The following IL1RAPL1 variants were observed in gnomAD, a reference collection of about 807,000 sequenced individuals.
IL1RAPL1 encodes the protein interleukin-1 receptor accessory protein-like 1.
Under a neutral mutation model 48.4 loss-of-function variants are expected in IL1RAPL1, and 3 were observed. The observed-to-expected ratio is 0.06, with a 90% CI of 0.03 to 0.16. The LOEUF (loss-of-function observed/expected upper bound fraction) is 0.16. IL1RAPL1 is among the 10% of genes least tolerant of loss of function. IL1RAPL1 has a pLI of 1.00. For synonymous variants in IL1RAPL1, 185 were observed against 187.7 expected (o/e 0.99, Z 0.12); for missense variants, 349 against 530.6 (o/e 0.66, Z 3.36).
intron 2 of IL1RAPL1, among the ~76,000 whole-genome samples, chrX:29,196,851 A>G (rs1444699235): frequency 9.1e-6 from 1 of 110,311 alleles, no homozygotes; most frequent in Non-Finnish European, 1.9e-5. Flanking sequence ...ACACTATACT[A>G]TATAATATAA....
At chrX:28,926,892 C>A (rs1003525998) in intron 2 of IL1RAPL1, among the ~76,000 whole-genome samples, 12 of 111,175 alleles carry the variant, frequency 1.1e-4, no homozygotes, top group Non-Finnish European at 3.8e-5. Context: ...ACATTCTCCT[C>A]TTCCCACCTT....
intron 6 of IL1RAPL1, among the ~76,000 whole-genome samples, chrX:29,742,892 A>G (rs1928240925): frequency 9.0e-6 from 1 of 111,182 alleles, no homozygotes; most frequent in Admixed American, 9.7e-5. Flanking sequence ...GAGGAAGATT[A>G]AAAGTCTAAG....
chrX:29,933,867 A>G (rs1932988766), intron 8 of IL1RAPL1, among the ~76,000 whole-genome samples: 1 of 111,009 alleles, frequency 9.0e-6, no homozygotes, highest in African/African-American at 3.3e-5. Flanking sequence ...CAGTGTATCC[A>G]ATTGAGAAGG....
chrX:29,358,029 A>T (rs1933327763), intron 3 of IL1RAPL1, among the ~76,000 whole-genome samples: 1 of 111,702 alleles, frequency 9.0e-6, no homozygotes, highest in South Asian at 3.7e-4. Context: ...TAAGGGCAGG[A>T]ACCCCCTCTG....
intron 2 of IL1RAPL1, among the ~76,000 whole-genome samples, chrX:29,066,839 A>T (rs996124463): frequency 7.1e-5 from 8 of 111,903 alleles, no homozygotes; most frequent in Non-Finnish European, 1.3e-4. Flanking sequence ...TCAGGGCATG[A>T]CAAATGCTGG....
chrX:29,682,345 A>C (rs1028791848), intron 6 of IL1RAPL1, among the ~76,000 whole-genome samples: 4 of 110,546 alleles, frequency 3.6e-5, no homozygotes, highest in African/African-American at 1.3e-4. Context: ...CCTTGACCAT[A>C]CCATGGACCT....
intron 2 of IL1RAPL1, among the ~76,000 whole-genome samples, chrX:28,976,310 G>A (rs1925207175): frequency 9.0e-6 from 1 of 111,524 alleles, no homozygotes; most frequent in Non-Finnish European, 1.9e-5. Flanking sequence ...ATGATGACTT[G>A]GTTTATGATG....
chrX:28,731,809 A>C (rs1274395923), intron 1 of IL1RAPL1, among the ~76,000 whole-genome samples: 2 of 112,050 alleles, frequency 1.8e-5, no homozygotes, highest in Admixed American at 1.9e-4. Context: ...AAAGATTTTT[A>C]AGAAAGATGT....
rs190388724 is a variant in IL1RAPL1, at chrX:29,623,103, C to A, written c.704-45327C>A. ...GGCTAACATGGCGAAACCCTGTCTCCACTAAAAAAAAAAAAAAAAAATGCA... is the reference window on the plus strand; with the variant it reads ...GGCTAACATGGCGAAACCCTGTCTCAACTAAAAAAAAAAAAAAAAAATGCA... On this transcript the variant is annotated intron_variant, in intron 5 of 10. Coordinates refer to ENST00000378993, the MANE Select transcript of IL1RAPL1 (RefSeq NM_014271.4). 0.01 allele frequency among the ~76,000 whole-genome samples: 1,015 copies of A among 98,094 alleles called. 39 individuals are homozygous for A. In the East Asian group the frequency reaches 0.16, roughly 16 times the overall value. 85.2% of individuals were successfully genotyped at this position (98,094 alleles called of 115,157 possible).
intron 6 of IL1RAPL1, among the ~76,000 whole-genome samples, chrX:29,807,252 C>G (rs1930275874): frequency 9.2e-6 from 1 of 109,164 alleles, no homozygotes; most frequent in Admixed American, 9.9e-5. Flanking sequence ...TGAAACATGA[C>G]AAATGAGAAA....
chrX:28,995,230 G>A (rs1925700960), intron 2 of IL1RAPL1, among the ~76,000 whole-genome samples: 2 of 111,545 alleles, frequency 1.8e-5, no homozygotes, highest in African/African-American at 6.5e-5. Context: ...ACCTATAAAT[G>A]TGAATATATT....
chrX:29,486,262 G>A (rs1031969502), intron 5 of IL1RAPL1, among the ~76,000 whole-genome samples: 1 of 110,771 alleles, frequency 9.0e-6, no homozygotes, highest in Non-Finnish European at 1.9e-5. Context: ...TGGGACCATG[G>A]CATTAGTGTG....
intron 5 of IL1RAPL1, among the ~76,000 whole-genome samples, chrX:29,614,891 C>T (rs1278546870): frequency 1.8e-5 from 2 of 109,548 alleles, no homozygotes; most frequent in Non-Finnish European, 3.8e-5. Flanking sequence ...ACCCGGGAGA[C>T]GGAGCTTGCA....
intron 1 of IL1RAPL1, among the ~76,000 whole-genome samples, chrX:28,762,815 C>G (rs1320039372): frequency 3.5e-3 from 184 of 52,644 alleles, no homozygotes; most frequent in African/African-American, 9.8e-3. Flanking sequence ...CACACACACA[C>G]ACACACACAG....
intron 5 of IL1RAPL1, among the ~76,000 whole-genome samples, chrX:29,562,090 T>TA (rs746586479): frequency 4.2e-4 from 31 of 74,235 alleles, no homozygotes; most frequent in South Asian, 7.8e-4. Flanking sequence ...CTAATCTATC[T>TA]GTCTATCTAT....
At chrX:28,886,299 TG>T (rs932003177) in intron 2 of IL1RAPL1, among the ~76,000 whole-genome samples, 1 of 109,663 alleles carries the variant, frequency 9.1e-6, no homozygotes, top group Non-Finnish European at 1.9e-5. Context: ...TGTATCACTC[TG>T]TAAAGTAACA....
intron 6 of IL1RAPL1, among the ~76,000 whole-genome samples, chrX:29,775,515 C>T (rs749218406): frequency 4.5e-5 from 5 of 111,156 alleles, no homozygotes; most frequent in East Asian, 2.8e-4. Context: ...GTGTATTAGG[C>T]GAAGGGAGGT....
chrX:29,310,219 T>C (rs904139090), intron 3 of IL1RAPL1, among the ~76,000 whole-genome samples: 30 of 108,010 alleles, frequency 2.8e-4, no homozygotes, highest in African/African-American at 9.8e-4. Context: ...TGGGCCAACT[T>C]TGTCATCCTT....
At chrX:29,336,343 GTGTGTA>G (rs1438602816) in intron 3 of IL1RAPL1, among the ~76,000 whole-genome samples, 2 of 53,174 alleles carry the variant, frequency 3.8e-5, no homozygotes, top group African/African-American at 6.5e-5. Flanking sequence ...GTGTGTGTGT[GTGTGTA>G]TATCTATGTA....
Sources: gnomAD v4.1 joint callset for allele counts (sites outside exome capture counted in the v4.1 genomes callset) on GRCh38, gnomAD v4.1.1 for gene constraint, MANE v1.5 for transcripts, NCBI Gene and HGNC (gene_info 2026-07-23, HGNC 2026-07-21) for gene names.